Variants in SPMIP7 observed in about 807,000 individuals in gnomAD.
SPMIP7 encodes sperm microtubule inner protein 7.
At chr7:50,105,477 C>A in the SPMIP7 span, among the ~76,000 whole-genome samples, 2 of 151,982 alleles carry the variant, frequency 1.3e-5, no homozygotes, top group African/African-American at 4.8e-5. Flanking sequence ...TTCTTTTTTT[C>A]TCACCTTTTC....
the SPMIP7 span, among the ~76,000 whole-genome samples, chr7:50,151,875 T>C: frequency 6.6e-6 from 1 of 152,218 alleles, no homozygotes; most frequent in Non-Finnish European, 1.5e-5. Context: ...GAATGGCATC[T>C]TTACTTCTTA....
At chr7:50,097,344 GAAT>G in the SPMIP7 span, among the ~76,000 whole-genome samples, 1 of 152,198 alleles carries the variant, frequency 6.6e-6, no homozygotes, top group African/African-American at 2.4e-5. Flanking sequence ...GCTATAGGAA[GAAT>G]ACTTTTAAAC....
the SPMIP7 span, among the ~76,000 whole-genome samples, chr7:50,152,218 G>A: frequency 1.1e-4 from 16 of 152,102 alleles, no homozygotes; most frequent in African/African-American, 3.1e-4. Context: ...GTGGTGGTGG[G>A]CACCTGTAAT....
chr7:50,106,675 A>G, the SPMIP7 span, among the ~76,000 whole-genome samples: 1 of 152,238 alleles, frequency 6.6e-6, no homozygotes, highest in Non-Finnish European at 1.5e-5. Flanking sequence ...AGTGAGAATC[A>G]GCAGAAATGA....
chr7:50,111,350 C>T, the SPMIP7 span, among the ~76,000 whole-genome samples: 1 of 151,992 alleles, frequency 6.6e-6, no homozygotes, highest in African/African-American at 2.4e-5. Context: ...GAGGTGGTGT[C>T]TAATTTACAT....
the SPMIP7 span, among the ~76,000 whole-genome samples, chr7:50,129,125 G>T: frequency 0.28 from 43,222 of 151,676 alleles, 7,830 homozygotes; most frequent in Non-Finnish European, 0.42. Context: ...CATAGAACTA[G>T]AAAAAGTTTA....
At chr7:50,144,470 G>A in the SPMIP7 span, among the ~76,000 whole-genome samples, 1 of 152,126 alleles carries the variant, frequency 6.6e-6, no homozygotes, top group Non-Finnish European at 1.5e-5. Context: ...ATGGCTAGAT[G>A]TATCCCACCA....
chr7:50,133,632 T>C, the SPMIP7 span, among the ~76,000 whole-genome samples: 2 of 152,152 alleles, frequency 1.3e-5, no homozygotes, highest in Non-Finnish European at 2.9e-5. Context: ...TGTTTAGGGT[T>C]CCCTAAAGCT....
chr7:50,104,326 C>A, the SPMIP7 span: 1 of 1,529,218 alleles, frequency 6.5e-7, no homozygotes. Context: ...TGGACAAGCC[C>A]TCTGAAAGTT....
the SPMIP7 span, among the ~76,000 whole-genome samples, chr7:50,143,934 A>T: frequency 6.6e-6 from 1 of 152,344 alleles, no homozygotes; most frequent in South Asian, 2.1e-4. Flanking sequence ...CTATTTGTGT[A>T]GATGTACTGT....
At chr7:50,120,492 C>T in the SPMIP7 span, 1 of 152,168 alleles carries the variant, frequency 6.6e-6, no homozygotes, top group Non-Finnish European at 1.5e-5. Flanking sequence ...GGGGTCTTGC[C>T]CATGGTGCTA....
the SPMIP7 span, among the ~76,000 whole-genome samples, chr7:50,100,061 G>A: frequency 6.6e-6 from 1 of 152,270 alleles, no homozygotes; most frequent in East Asian, 1.9e-4. Context: ...ATATGGGAGA[G>A]TCTGTGCTAT....
chr7:50,108,266 C>G, the SPMIP7 span, among the ~76,000 whole-genome samples: 1 of 152,074 alleles, frequency 6.6e-6, no homozygotes, highest in Non-Finnish European at 1.5e-5. Context: ...AGAGAAGATG[C>G]ACCAGCAAGA....
At chr7:50,145,612 G>A in the SPMIP7 span, among the ~76,000 whole-genome samples, 5,431 of 36,334 alleles carry the variant, frequency 0.15, 1,022 homozygotes, top group Non-Finnish European at 0.2. Flanking sequence ...GTGTGTATAT[G>A]TGTGTGTATA....
the SPMIP7 span, among the ~76,000 whole-genome samples, chr7:50,157,394 A>G: frequency 6.6e-6 from 1 of 152,266 alleles, no homozygotes; most frequent in East Asian, 1.9e-4. Context: ...TACAGGCGCA[A>G]GTGTTTTTCT....
At chr7:50,148,796 C>T in the SPMIP7 span, among the ~76,000 whole-genome samples, 1 of 152,306 alleles carries the variant, frequency 6.6e-6, no homozygotes, top group East Asian at 1.9e-4. Context: ...GGAGAATCAT[C>T]TGGAGAGCTG....
chr7:50,151,227 A>T, the SPMIP7 span, among the ~76,000 whole-genome samples: 1 of 151,880 alleles, frequency 6.6e-6, no homozygotes, highest in Non-Finnish European at 1.5e-5. Flanking sequence ...AATTTTATCG[A>T]CCCCAGCATA....
chr7:50,142,745 C>T, the SPMIP7 span: 1 of 152,190 alleles, frequency 6.6e-6, no homozygotes, highest in Non-Finnish European at 1.5e-5. Context: ...ATGTGTGTGG[C>T]CCCAATCTCA....
the SPMIP7 span, among the ~76,000 whole-genome samples, chr7:50,133,586 A>G: frequency 1.3e-5 from 2 of 152,170 alleles, no homozygotes; most frequent in African/African-American, 4.8e-5. Flanking sequence ...GCAGTCCTGT[A>G]GGTCAGAAGT....
Sources: allele counts gnomAD v4.1 joint callset (sites outside exome capture counted in the v4.1 genomes callset), GRCh38; gene constraint gnomAD v4.1.1; transcripts MANE v1.5; gene names NCBI Gene and HGNC (gene_info 2026-07-23, HGNC 2026-07-21).